DNAH11: variants seen among roughly 807,000 people sequenced by gnomAD.
The protein encoded by DNAH11 is dynein axonemal heavy chain 11.
In DNAH11, 442 loss-of-function variants were observed where a neutral mutation model predicts 526.0. The ratio of observed to expected loss-of-function variants is 0.84; its 90% confidence interval spans 0.78 to 0.91. DNAH11 has a LOEUF of 0.91. DNAH11 is among the 40% of genes least tolerant of loss of function. DNAH11 has a pLI of 0.00. For synonymous variants in DNAH11, 2,461 were observed against 1,935.9 expected (o/e 1.27, Z -7.12); for missense variants, 6,989 against 5,448.7 (o/e 1.28, Z -8.90).
At chr7:21,829,347 C>T (rs1790448760) in intron 65 of DNAH11, among the ~76,000 whole-genome samples, 1 of 151,594 alleles carries the variant, frequency 6.6e-6, no homozygotes, top group Non-Finnish European at 1.5e-5. Context: ...TTCTCCTATT[C>T]AGAGAACATG....
chr7:21,558,795 T>C lies in DNAH11; in HGVS notation c.496-7T>C. The C allele has an allele frequency of 1.9e-6, 3 of 1,563,008 alleles. No individual in the cohort carries two copies. The highest frequency in any genetic ancestry group is 4.2e-5 in the Admixed American group (2 of 47,968). On this transcript the variant is annotated splice_polypyrimidine_tract_variant and splice_region_variant and intron_variant, in intron 2 of 81. Coordinates refer to ENST00000409508, the MANE Select transcript of DNAH11 (RefSeq NM_001277115.2). ...AAATTAATTTAACTATGTTTCTCTTTCTCTAGATTTTAGTGCCAGTTCTTT... is the reference window on the plus strand; with the variant it reads ...AAATTAATTTAACTATGTTTCTCTTCCTCTAGATTTTAGTGCCAGTTCTTT...
chr7:21,880,536 C>T (rs1212292548), intron 74 of DNAH11, among the ~76,000 whole-genome samples, 166 bp from the exon 75 acceptor site: 3 of 152,220 alleles, frequency 2.0e-5, no homozygotes, highest in Non-Finnish European at 2.9e-5. Context: ...CTGGCAAATG[C>T]CAAATAATCT....
chr7:21,692,218 G>C (rs891902712), intron 35 of DNAH11, among the ~76,000 whole-genome samples: 2 of 152,132 alleles, frequency 1.3e-5, no homozygotes, highest in Non-Finnish European at 2.9e-5. Flanking sequence ...ATCATACCAG[G>C]TGATAGTAAA....
At chr7:21,864,431 A>G (rs1783191568) in intron 69 of DNAH11, 104 bp from the exon 70 acceptor site, 2 of 1,106,626 alleles carry the variant, frequency 1.8e-6, no homozygotes, top group South Asian at 1.9e-5. Flanking sequence ...CCCAGCAGGT[A>G]TGGTTCTGCC....
At position 21,873,352 on chromosome 7, in the gene DNAH11, T is replaced by G. The variant is rs747067327; in HGVS notation, c.12046T>G (p.Tyr4016Asp). The G allele has an allele frequency of 1.2e-6, 2 of 1,613,526 alleles. No homozygotes were observed. The highest frequency in any genetic ancestry group is 1.3e-5 in the African/African-American group (1 of 74,914). The change falls in exon 74 of 82, where the codon TAC becomes GAC. Residue 4016 changes from tyrosine to aspartate, a missense_variant. By Grantham distance (160) the Tyr-to-Asp change is radical. Transcript: ENST00000409508. ...ERFSQGSHRD[Y>D]RVFMSAESAP... is the part of the protein sequence containing the mutation. ...ATTCAGCCAAGGAAGCCACAGAGATTACAGGGTTTTCATGAGTGCTGAGTC... is the reference window on the plus strand; with the variant it reads ...ATTCAGCCAAGGAAGCCACAGAGATGACAGGGTTTTCATGAGTGCTGAGTC...
Position 21,547,762 on chromosome 7 carries a change from G to A in DNAH11, c.495+2613G>A, listed in dbSNP as rs114467637. On this transcript the variant is annotated intron_variant, in intron 2 of 81. Transcript: ENST00000409508. ...ATTTATCATGCCTTGAAAATTGACCGTATAAAATGTTTTCTCACAAGTTCC... is the reference window on the plus strand; with the variant it reads ...ATTTATCATGCCTTGAAAATTGACCATATAAAATGTTTTCTCACAAGTTCC... 5.0e-3 allele frequency among the ~76,000 whole-genome samples: 758 copies of A among 152,186 alleles called. 6 individuals are homozygous for A. The highest frequency in any genetic ancestry group is 0.016 in the African/African-American group (672 of 41,512).
At chr7:21,646,862 A>G (rs1360712635) in intron 28 of DNAH11, among the ~76,000 whole-genome samples, 2 of 152,138 alleles carry the variant, frequency 1.3e-5, no homozygotes, top group African/African-American at 4.8e-5. Context: ...AAAAATCTCA[A>G]AAGTATGGGA....
In DNAH11 at chr7:21,901,219, G is replaced by T. The variant is rs1784813400; in HGVS notation, c.13516G>T (p.Val4506Phe). 1 of 1,613,792 alleles carries T rather than the reference G, an allele frequency of 6.2e-7. No individual in the cohort carries two copies. Among genetic ancestry groups the T allele is most frequent in the Non-Finnish European group, 8.5e-7 (1 of 1,179,782 alleles). ...GAGCGAAGAGAAGACTGCAAAATGG[G>T]TTCTGGCTGGAGTGGCTCTGCTTCT... ...LKSEEKTAKW[V>F]LAGVALLLEA Residue 4506 changes from valine to phenylalanine, a missense_variant, in exon 82 of 82, where the codon GTT (valine) becomes TTT (phenylalanine). Physicochemically the swap from Val to Phe is conservative, Grantham distance 50 (BLOSUM62 -1). Transcript: ENST00000409508.
intron 65 of DNAH11, among the ~76,000 whole-genome samples, chr7:21,836,148 T>C (rs1251898906): frequency 1.3e-5 from 2 of 152,068 alleles, no homozygotes; most frequent in Non-Finnish European, 2.9e-5. Flanking sequence ...ATTGAAAGAA[T>C]TAACATTGTA....
chr7:21,664,565 C>A (rs2128467477), intron 30 of DNAH11, among the ~76,000 whole-genome samples: 1 of 152,086 alleles, frequency 6.6e-6, no homozygotes, highest in East Asian at 1.9e-4. Flanking sequence ...CTCAAGCAAA[C>A]CTCCCGCCTC....
chr7:21,617,112 AT>A (rs1785817204), intron 22 of DNAH11, among the ~76,000 whole-genome samples: 1 of 152,096 alleles, frequency 6.6e-6, no homozygotes, highest in Non-Finnish European at 1.5e-5. Context: ...ACAATTGCTG[AT>A]GTTTTTCCTT....
intron 55 of DNAH11, among the ~76,000 whole-genome samples, chr7:21,772,120 G>A (rs1018425371): frequency 1.3e-5 from 2 of 152,094 alleles, no homozygotes; most frequent in African/African-American, 4.8e-5. Flanking sequence ...CTGCTCCCTG[G>A]CTCAGCGAGT....
intron 81 of DNAH11, 171 bp from the exon 82 acceptor site, chr7:21,900,836 G>T: frequency 9.1e-7 from 1 of 1,103,970 alleles, no homozygotes; most frequent in Non-Finnish European, 1.2e-6. Flanking sequence ...CTGCAGGCAG[G>T]GTAACCTACC....
chr7:21,688,781 C>T (rs978483599), intron 34 of DNAH11, among the ~76,000 whole-genome samples: 20 of 152,060 alleles, frequency 1.3e-4, no homozygotes, highest in African/African-American at 4.8e-4. Context: ...ATGCCACATT[C>T]CAAAAAGCAA....
At chr7:21,825,404 G>C (rs1037240543) in intron 65 of DNAH11, among the ~76,000 whole-genome samples, 1 of 152,162 alleles carries the variant, frequency 6.6e-6, no homozygotes, top group African/African-American at 2.4e-5. Context: ...TTGGGTTGTA[G>C]AACTTATGCA....
chr7:21,642,533 C>T (rs1016732351), intron 28 of DNAH11, among the ~76,000 whole-genome samples: 2 of 152,140 alleles, frequency 1.3e-5, no homozygotes, highest in Non-Finnish European at 2.9e-5. Flanking sequence ...CTTAGTCTTT[C>T]CGTCCATGCC....
At chr7:21,861,671 C>T (rs140715565) in intron 68 of DNAH11, among the ~76,000 whole-genome samples, 182 bp from the exon 69 acceptor site, 44 of 152,306 alleles carry the variant, frequency 2.9e-4, no homozygotes, top group Non-Finnish European at 4.7e-4. Flanking sequence ...TTCATAATAA[C>T]AGTAATGACA....
Position 21,708,093 on chromosome 7 carries a change from A to G in DNAH11, c.6683+258A>G, listed in dbSNP as rs1488408714. ...TCAATTATGTCAGGGCTCCCTGTAA[A>G]TCAGGAGTGAAGTCAACATGAATGC... On this transcript the variant is annotated intron_variant, in intron 40 of 81. Coordinates refer to ENST00000409508, the MANE Select transcript of DNAH11 (RefSeq NM_001277115.2). 3.9e-5 allele frequency among the ~76,000 whole-genome samples: 6 copies of G among 152,156 alleles called. No homozygotes were observed. The East Asian group carries it at 9.6e-4, about 24-fold the overall frequency.
intron 35 of DNAH11, 137 bp downstream of exon 35, chr7:21,691,018 T>TA (rs1783594168): frequency 1.6e-6 from 1 of 638,192 alleles, no homozygotes; most frequent in African/African-American, 1.9e-5. Context: ...GCTCCTTTTA[T>TA]AGACAGAACT....
Sources: gnomAD v4.1 joint callset for allele counts (sites outside exome capture counted in the v4.1 genomes callset) on GRCh38, gnomAD v4.1.1 for gene constraint, MANE v1.5 for transcripts, NCBI Gene and HGNC (gene_info 2026-07-23, HGNC 2026-07-21) for gene names.